LY75: variants seen among roughly 807,000 people sequenced by gnomAD.
LY75 encodes the protein lymphocyte antigen 75, also known as C-type lectin domain family 13 member B.
In LY75, 185 loss-of-function variants were observed where a neutral mutation model predicts 231.7. The observed-to-expected ratio is 0.80, with a 90% CI of 0.71 to 0.90. The LOEUF (loss-of-function observed/expected upper bound fraction) is 0.90. LY75 is among the 40% of genes least tolerant of loss of function. The pLI, the probability that LY75 is intolerant of heterozygous loss-of-function variation, is 0.00. For missense variants in LY75, 1,947 were observed against 2,050.2 expected, an observed-to-expected ratio of 0.95 and a Z score of 0.97; for synonymous variants, 668 against 689.0, an observed-to-expected ratio of 0.97 and a Z score of 0.48.
At chr2:159,875,324 C>A in intron 12 of LY75, 120 bp downstream of exon 12, 1 of 1,375,602 alleles carries the variant, frequency 7.3e-7, no homozygotes, top group East Asian at 2.4e-5. Context: ...ACTCTGTGCT[C>A]CAGAGCACTT....
intron 1 of LY75, among the ~76,000 whole-genome samples, chr2:159,900,964 A>C (rs952017092): frequency 2.6e-5 from 4 of 151,928 alleles, no homozygotes; most frequent in Non-Finnish European, 4.4e-5. Flanking sequence ...CCAGCCTCCC[A>C]AGTAGCTGAG....
chr2:159,844,974 C>T (rs1044724033), intron 23 of LY75, among the ~76,000 whole-genome samples: 8 of 152,170 alleles, frequency 5.3e-5, no homozygotes, highest in African/African-American at 1.7e-4. Flanking sequence ...TACGTTAGAA[C>T]ATGCAGTATT....
At position 159,864,845 on chromosome 2, in the gene LY75, A is replaced by G; in HGVS notation, c.2193T>C (p.Arg731=). ...CAATAACGTTTTAACTTACTGGTGT[A>G]CGATCACTCCATTGCCAGGATCCTT... ...DLQGSWQWSD[R]TPVSTIIMPN... is the part of the protein sequence containing the mutation. Residue 731 remains arginine, a synonymous_variant, in exon 14 of 35, where the codon CGT becomes CGC. Transcript: ENST00000263636. 1 of 1,598,224 alleles carries G rather than the reference A, an allele frequency of 6.3e-7. No homozygotes were observed. The highest frequency in any genetic ancestry group is 1.7e-4 in the Middle Eastern group (1 of 6,036).
In LY75 at chr2:159,804,991, G is replaced by A; in HGVS notation, c.*53C>T. 3.5e-6 allele frequency: 5 copies of A among 1,427,202 alleles called. No homozygotes were observed. Among genetic ancestry groups the A allele is most frequent in the Non-Finnish European group, 4.9e-6 (5 of 1,021,246 alleles). The allele number at this position is 1,427,202 out of a possible 1,614,324, so 88.4% of individuals were successfully genotyped here. A position where few individuals can be genotyped will look rare whatever the true frequency, so the allele number is the denominator to read the frequency against. ...AAATACTGACACTGGGACATTTTAA[G>A]TGACTAATTTCTCATAACACATTAG... On this transcript the variant is annotated 3_prime_UTR_variant, in exon 35 of 35. Coordinates refer to ENST00000263636, the MANE Select transcript of LY75 (RefSeq NM_002349.4).
At chr2:159,859,453 C>CA (rs1351691046) in intron 15 of LY75, among the ~76,000 whole-genome samples, 1 of 152,118 alleles carries the variant, frequency 6.6e-6, no homozygotes, top group Non-Finnish European at 1.5e-5. Context: ...TATATATTGG[C>CA]AGTTCCTCCA....
rs768282836 is a variant in LY75, at chr2:159,831,663, A to C, written c.3958+7T>G. 2.4e-5 allele frequency: 38 copies of C among 1,606,850 alleles called. No homozygotes were observed. Among genetic ancestry groups the C allele is most frequent in the Non-Finnish European group, 3.2e-5 (38 of 1,178,258 alleles). On this transcript the variant is annotated splice_region_variant and intron_variant, in intron 28 of 34. Transcript: ENST00000263636. ...AAATAGAGAAAGTTGGCAGATTTAC[A>C]ACTTACTTCTATAAGTTATTCCTAA...
rs756869649 is a variant in LY75, at chr2:159,823,195, C to T, written c.3959-3275G>A. 8.8e-4 allele frequency among the ~76,000 whole-genome samples: 134 copies of T among 151,958 alleles called. 1 individual carries two copies. The highest frequency in any genetic ancestry group is 5.0e-4 in the Non-Finnish European group (34 of 67,986). On this transcript the variant is annotated intron_variant, in intron 28 of 34. Transcript: ENST00000263636. The stretch of plus-strand genomic sequence containing the variant: ...TAACCCAATGCAAGGAAGCTAAGAA[C>T]CTTGAAAAAAGGTTAGAGGAACTGC...
At position 159,819,933 on chromosome 2, in the gene LY75, C is replaced by G. The variant is rs778703314; in HGVS notation, c.3959-13G>C. On this transcript the variant is annotated splice_polypyrimidine_tract_variant and intron_variant, in intron 28 of 34. Transcript: ENST00000263636. ...ATAAGAGACTTATCTAGAGAAGAAA[C>G]ATTTTTTCCTATGCTTAGAGATTAA... 6.7e-7 allele frequency: 1 copy of G among 1,486,196 alleles called. No homozygotes were observed. The highest frequency in any genetic ancestry group is 8.9e-7 in the Non-Finnish European group (1 of 1,123,508). 92.1% of individuals were successfully genotyped at this position (1,486,196 alleles called of 1,614,324 possible). A position where few individuals can be genotyped will look rare whatever the true frequency, so the allele number is the denominator to read the frequency against.
intron 23 of LY75, among the ~76,000 whole-genome samples, chr2:159,848,123 G>A (rs1306818610): frequency 3.5e-5 from 4 of 115,054 alleles, no homozygotes; most frequent in Non-Finnish European, 3.5e-5. Context: ...CCATATATAC[G>A]GTATATATAT....
chr2:159,867,795 G>A (rs1412033803), intron 13 of LY75, among the ~76,000 whole-genome samples: 1 of 152,152 alleles, frequency 6.6e-6, no homozygotes, highest in Non-Finnish European at 1.5e-5. Flanking sequence ...TAATCCTATG[G>A]CTATTTTTGC....
At chr2:159,871,172 A>G (rs191669229) in intron 13 of LY75, among the ~76,000 whole-genome samples, 11 of 152,264 alleles carry the variant, frequency 7.2e-5, no homozygotes, top group South Asian at 2.1e-4. Flanking sequence ...TTTACTAAAT[A>G]TAAGTGTATA....
rs749721189 is a variant in LY75 at position 159,858,490 on chromosome 2, A to G, written c.2269-14T>C. On this transcript the variant is annotated splice_polypyrimidine_tract_variant and intron_variant, in intron 15 of 34. Transcript: ENST00000263636. ...CCTATGAAATACCTATAAGAGGAAA[A>G]GTATTGCAGAATATTTTGAAGTTGA... 7.5e-6 allele frequency: 12 copies of G among 1,602,418 alleles called. No homozygotes were observed. The highest frequency in any genetic ancestry group is 1.0e-5 in the Non-Finnish European group (12 of 1,176,472).
At chr2:159,862,820 T>G (rs1684754141) in intron 14 of LY75, among the ~76,000 whole-genome samples, 1 of 152,124 alleles carries the variant, frequency 6.6e-6, no homozygotes. Flanking sequence ...TGAGAACACT[T>G]AACATCTACT....
At chr2:159,885,605 C>T (rs1163267376) in intron 5 of LY75, among the ~76,000 whole-genome samples, 2 of 152,094 alleles carry the variant, frequency 1.3e-5, no homozygotes, top group East Asian at 3.8e-4. Flanking sequence ...TCTGCTACTC[C>T]ATAAAATAAA....
chr2:159,854,373 T>C lies in LY75; in HGVS notation c.2582A>G (p.Asn861Ser). 1.4e-6 allele frequency: 2 copies of C among 1,435,268 alleles called. No individual in the cohort carries two copies. The highest frequency in any genetic ancestry group is 1.8e-6 in the Non-Finnish European group (2 of 1,082,974). The allele number at this position is 1,435,268 out of a possible 1,614,324, so 88.9% of individuals were successfully genotyped here. A position where few individuals can be genotyped will look rare whatever the true frequency, so the allele number is the denominator to read the frequency against. ...CTTTTAAATTACATTTGCTATTTTGTTTTTGATGGCTTTTAGTCCCACAAA... is the reference window on the plus strand; with the variant it reads ...CTTTTAAATTACATTTGCTATTTTGCTTTTGATGGCTTTTAGTCCCACAAA... ...TSFVGLKAIK[N>S]KIANISGDGQ... Residue 861 changes from asparagine to serine, a missense_variant, in exon 18 of 35, where the codon AAC becomes AGC. Coordinates refer to ENST00000263636, the MANE Select transcript of LY75 (RefSeq NM_002349.4).
rs114522698 is a variant in LY75 at position 159,809,160 on chromosome 2, G to A, written c.4700-589C>T. 8.5e-3 allele frequency among the ~76,000 whole-genome samples: 1,294 copies of A among 152,190 alleles called. 18 individuals carry two copies. The highest frequency in any genetic ancestry group is 0.029 in the African/African-American group (1,209 of 41,500). On this transcript the variant is annotated intron_variant, in intron 32 of 34. Transcript: ENST00000263636. ...TCAATCAGTCAAGTGTCTCCACAAC[G>A]GTTATCAGAATAAATTAGATAAATG...
chr2:159,843,427 C>G (rs1365801), intron 23 of LY75, among the ~76,000 whole-genome samples: 107,407 of 151,482 alleles, frequency 0.71, 38,503 homozygotes, highest in African/African-American at 0.74. Context: ...ATTGTCATAA[C>G]GAAAAATGGA....
chr2:159,841,017 A>T, intron 24 of LY75, 62 bp from the exon 25 acceptor site: 1 of 1,581,166 alleles, frequency 6.3e-7, no homozygotes, highest in Non-Finnish European at 8.6e-7. Flanking sequence ...AAGTTATGGG[A>T]CATTTTTTTC....
At chr2:159,865,469 G>A (rs933456097) in intron 13 of LY75, among the ~76,000 whole-genome samples, 1 of 151,970 alleles carries the variant, frequency 6.6e-6, no homozygotes, top group African/African-American at 2.4e-5. Flanking sequence ...TCACCTATAA[G>A]TATTATACTT....
Sources: gnomAD v4.1 joint callset for allele counts (sites outside exome capture counted in the v4.1 genomes callset) on GRCh38, gnomAD v4.1.1 for gene constraint, MANE v1.5 for transcripts, NCBI Gene and HGNC (gene_info 2026-07-23, HGNC 2026-07-21) for gene names.